The following CCDC141 variants were observed in gnomAD, a reference collection of about 807,000 sequenced individuals.
CCDC141 encodes coiled-coil domain containing 141.
CCDC141 carries 168 observed loss-of-function variants against 181.0 expected under a neutral mutation model. That is an observed-to-expected ratio of 0.93 (90% confidence interval 0.82 to 1.05). The LOEUF (loss-of-function observed/expected upper bound fraction) is 1.05, where lower values mean the gene tolerates loss of function less well. Among genes scored for constraint, CCDC141 ranks in the 50% least tolerant of loss-of-function variants. The probability of loss-of-function intolerance (pLI) is 0.00; values close to 1 mark genes in which losing one functional copy is unlikely to be tolerated. For missense variants in CCDC141, 1,902 were observed against 1,788.5 expected (o/e 1.06, Z -1.14); for synonymous variants, 666 against 642.3 (o/e 1.04, Z -0.56).
intron 2 of CCDC141, among the ~76,000 whole-genome samples, chr2:178,992,481 T>A (rs1692103483): frequency 6.6e-6 from 1 of 151,984 alleles, no homozygotes; most frequent in African/African-American, 2.4e-5. Flanking sequence ...TTCCAAATTA[T>A]ACTCTAAGAC....
downstream of CCDC141, among the ~76,000 whole-genome samples, chr2:178,828,898 T>C (rs1047100644): frequency 6.6e-6 from 1 of 152,224 alleles, no homozygotes; most frequent in African/African-American, 2.4e-5. Flanking sequence ...AAAAATACCA[T>C]TTTGTAGATG....
intron 2 of CCDC141, among the ~76,000 whole-genome samples, chr2:178,984,025 A>C (rs1270994429): frequency 6.6e-6 from 1 of 151,942 alleles, no homozygotes; most frequent in Non-Finnish European, 1.5e-5. Context: ...AGATTCACCA[A>C]AGTTGAAACG....
At chr2:178,841,321 T>A (rs933894762) in intron 22 of CCDC141, among the ~76,000 whole-genome samples, 1 of 152,226 alleles carries the variant, frequency 6.6e-6, no homozygotes, top group African/African-American at 2.4e-5. Flanking sequence ...GCATCATAAG[T>A]GTGTTTATCA....
the CCDC141 span, among the ~76,000 whole-genome samples, chr2:178,822,516 C>G: frequency 2.7e-5 from 4 of 150,684 alleles, no homozygotes; most frequent in African/African-American, 9.8e-5. Flanking sequence ...TTCTTTAAAA[C>G]AAGTGCTCCC....
At chr2:178,824,266 C>T in the CCDC141 span, among the ~76,000 whole-genome samples, 1 of 152,132 alleles carries the variant, frequency 6.6e-6, no homozygotes, top group East Asian at 1.9e-4. Context: ...TATCATTCCG[C>T]TAACTGATTT....
At chr2:179,047,208 G>A in intron 2 of CCDC141, 76 bp downstream of exon 2, 1 of 1,339,932 alleles carries the variant, frequency 7.5e-7, no homozygotes, top group East Asian at 2.7e-5. Context: ...AGTAACAGCA[G>A]AGGAATCAAG....
intron 2 of CCDC141, among the ~76,000 whole-genome samples, chr2:178,980,353 G>A (rs1366992618): frequency 1.3e-5 from 2 of 152,130 alleles, no homozygotes. Context: ...TGGAGGCTGA[G>A]GCAGGAGAAT....
chr2:179,007,244 T>A (rs2042144298), intron 2 of CCDC141, among the ~76,000 whole-genome samples: 1 of 152,214 alleles, frequency 6.6e-6, no homozygotes, highest in Non-Finnish European at 1.5e-5. Context: ...AGACTGTCCA[T>A]GAGCTGGAGA....
chr2:179,030,639 AATTC>A (rs961060326), intron 2 of CCDC141, among the ~76,000 whole-genome samples: 24 of 152,102 alleles, frequency 1.6e-4, no homozygotes, highest in African/African-American at 5.8e-4. Flanking sequence ...ATGCTTATAT[AATTC>A]ATTCATTTTA....
chr2:179,043,486 G>C (rs765000031), intron 2 of CCDC141, among the ~76,000 whole-genome samples: 3 of 152,152 alleles, frequency 2.0e-5, no homozygotes, highest in Non-Finnish European at 4.4e-5. Context: ...ACATCAAAAA[G>C]CTTATCCACC....
At chr2:178,996,435 A>G (rs1371309715) in intron 2 of CCDC141, among the ~76,000 whole-genome samples, 1 of 152,148 alleles carries the variant, frequency 6.6e-6, no homozygotes, top group Non-Finnish European at 1.5e-5. Context: ...ACAGACTATG[A>G]ATTCATTCTA....
chr2:178,928,926 A>G (rs1385581292), intron 6 of CCDC141, among the ~76,000 whole-genome samples: 1 of 152,204 alleles, frequency 6.6e-6, no homozygotes. Context: ...TACTATTTGT[A>G]TATATTTTGC....
chr2:178,982,515 G>A (rs371141399), intron 2 of CCDC141, among the ~76,000 whole-genome samples: 3 of 152,210 alleles, frequency 2.0e-5, no homozygotes, highest in East Asian at 1.9e-4. Flanking sequence ...CCTGAGCGAC[G>A]CAGAAGACGG....
chr2:178,877,998 T>G lies in CCDC141; in HGVS notation c.1865A>C (p.Asp622Ala), dbSNP rs375047428. Residue 622 changes from aspartate (D) to alanine (A), a missense_variant, in exon 12 of 24, where the codon GAT (aspartate) becomes GCT (alanine). Physicochemically the swap from Asp to Ala is moderately radical, Grantham distance 126. Transcript: ENST00000443758. ...LFLKKSFITQDLGLEFLNLIN... is the reference protein window; with the variant it reads ...LFLKKSFITQALGLEFLNLIN... ...TAAATTAAGGAACTCAAGCCCTAGA[T>G]CTTGTGTTATAAAACTCTTCTTTAA... 6.2e-7 allele frequency: 1 copy of G among 1,613,752 alleles called. No homozygotes were observed. Among genetic ancestry groups the G allele is most frequent in the African/African-American group, 1.3e-5 (1 of 74,924 alleles).
chr2:178,906,677 C>T (rs975759920), intron 7 of CCDC141, among the ~76,000 whole-genome samples: 7 of 152,140 alleles, frequency 4.6e-5, no homozygotes, highest in Admixed American at 2.0e-4. Context: ...TTGCCAGGAG[C>T]TGACCAGTAG....
At chr2:178,839,728 C>T (rs1440362139) in intron 22 of CCDC141, among the ~76,000 whole-genome samples, 1 of 151,446 alleles carries the variant, frequency 6.6e-6, no homozygotes, top group African/African-American at 2.4e-5. Context: ...CAGCCATTTA[C>T]TAAAAGTTTA....
rs1327004242 is a variant in CCDC141, at chr2:178,834,043, C to G, written c.*130G>C. On this transcript the variant is annotated 3_prime_UTR_variant, in exon 24 of 24. Coordinates refer to ENST00000443758, the MANE Select transcript of CCDC141 (RefSeq NM_173648.4). Reference sequence around the variant, plus strand: ...TTATTTCACCTAGCAGTGGTATTAGCCAAACAAGTATGGTGATCAGACTGG... The same window carrying G: ...TTATTTCACCTAGCAGTGGTATTAGGCAAACAAGTATGGTGATCAGACTGG... 1.1e-6 allele frequency: 1 copy of G among 934,328 alleles called. No individual in the cohort carries two copies. The highest frequency in any genetic ancestry group is 2.7e-5 in the East Asian group (1 of 37,732). The allele number at this position is 934,328 out of a possible 1,614,324, so 57.9% of individuals were successfully genotyped here. A position where few individuals can be genotyped will look rare whatever the true frequency, so the allele number is the denominator to read the frequency against.
chr2:178,856,428 T>G (rs780727065), intron 17 of CCDC141, 31 bp from the exon 18 acceptor site: 1 of 1,486,008 alleles, frequency 6.7e-7, no homozygotes, highest in Admixed American at 2.1e-5. Context: ...ATAGGTGGTT[T>G]CCTTAAAATG....
chr2:178,941,490 G>A (rs1425363619), intron 6 of CCDC141, among the ~76,000 whole-genome samples: 1 of 152,108 alleles, frequency 6.6e-6, no homozygotes, highest in African/African-American at 2.4e-5. Context: ...GACTGAATCA[G>A]TCTAAATAAT....
Sources: allele counts gnomAD v4.1 joint callset (sites outside exome capture counted in the v4.1 genomes callset), GRCh38; gene constraint gnomAD v4.1.1; transcripts MANE v1.5; gene names NCBI Gene and HGNC (gene_info 2026-07-23, HGNC 2026-07-21).